Variants in LARP1 observed in about 807,000 individuals in gnomAD.
LARP1 encodes la-related protein 1.
In LARP1, 36 loss-of-function variants were observed where a neutral mutation model predicts 122.7. The ratio of observed to expected loss-of-function variants is 0.29; its 90% CI spans 0.22 to 0.39. LARP1 has a LOEUF of 0.39. LARP1 is among the 10% of genes least tolerant of loss of function. LARP1 has a pLI of 1.00. For missense variants in LARP1, 1,040 were observed against 1,403.6 expected (o/e 0.74, Z 4.14); for synonymous variants, 539 against 528.7 (o/e 1.02, Z -0.27).
chr5:154,803,551 G>A lies in LARP1; in HGVS notation c.2245G>A (p.Ala749Thr). Residue 749 changes from alanine (A) to threonine (T), a missense_variant, in exon 13 of 19, where the codon GCC (alanine) becomes ACC (threonine). Physicochemically the swap from Ala to Thr is moderately conservative, Grantham distance 58 (BLOSUM62 0). Coordinates refer to ENST00000518297, the MANE Select transcript of LARP1 (RefSeq NM_033551.3). The surrounding 1 kb of genome is among the most constrained non-coding windows in gnomAD (Gnocchi z 4.4). Reference sequence around the variant, plus strand: ...CTCTGCCTCTGCAGTTCCTACGGATGCCCTGGCCAACAAGTTGTTTGGTGC... The same window carrying A: ...CTCTGCCTCTGCAGTTCCTACGGATACCCTGGCCAACAAGTTGTTTGGTGC... ...PPRFQQVPTD[A>T]LANKLFGAPE... 6.2e-7 allele frequency: 1 copy of A among 1,614,136 alleles called. No homozygotes were observed. The highest frequency in any genetic ancestry group is 1.1e-5 in the South Asian group (1 of 91,084).
At chr5:154,710,899 C>T (rs1392019466), upstream of LARP1, among the ~76,000 whole-genome samples, 1 of 152,074 alleles carries the variant, frequency 6.6e-6, no homozygotes, top group African/African-American at 2.4e-5. Flanking sequence ...TGCTTTATTA[C>T]ATACTGTATA....
Position 154,756,112 on chromosome 5 carries a change from GC to G in LARP1, c.362del (p.Pro121ArgfsTer4), listed in dbSNP as rs760241814. ...CGCGGGGCGCCGGGACTTCGTGGAA[GC>G]CCCCCCGCCCAAGGTGAACCCGTGG... ...AGAGRRDFVE[A>X]PPPKVNPWTK... is the part of the protein sequence containing the mutation. On this transcript the variant is annotated frameshift_variant, in exon 1 of 19. Coordinates refer to ENST00000518297, the MANE Select transcript of LARP1 (RefSeq NM_033551.3). LOFTEE classifies it high-confidence loss of function. 51 of 1,219,176 alleles carry G rather than the reference GC, an allele frequency of 4.2e-5. No individual in the cohort carries two copies. Among genetic ancestry groups the G allele is most frequent in the South Asian group, 2.9e-4 (20 of 68,782 alleles). 75.5% of individuals were successfully genotyped at this position (1,219,176 alleles called of 1,614,324 possible). A position where few individuals can be genotyped will look rare whatever the true frequency, so the allele number is the denominator to read the frequency against.
At chr5:154,689,587 T>C (rs1240356318) in intron 1 of LARP1, among the ~76,000 whole-genome samples, 4 of 145,966 alleles carry the variant, frequency 2.7e-5, no homozygotes, top group Non-Finnish European at 6.0e-5. Context: ...GCCATTTTAC[T>C]CCAGCCTGGA....
chr5:154,813,143 A>T (rs1391348481), intron 18 of LARP1, among the ~76,000 whole-genome samples: 2 of 152,174 alleles, frequency 1.3e-5, no homozygotes, highest in Non-Finnish European at 2.9e-5. Context: ...ATAATGGCAG[A>T]GCCACTCAGG....
At chr5:154,773,535 C>T (rs1322647450) in intron 1 of LARP1, among the ~76,000 whole-genome samples, 1 of 152,136 alleles carries the variant, frequency 6.6e-6, no homozygotes, top group Admixed American at 6.5e-5. Flanking sequence ...GCATGTTCCC[C>T]CACAGCACTG....
At chr5:154,780,927 G>A (rs1756371196) in intron 1 of LARP1, among the ~76,000 whole-genome samples, 1 of 152,204 alleles carries the variant, frequency 6.6e-6, no homozygotes, top group South Asian at 2.1e-4. Flanking sequence ...GACAGGCTTG[G>A]TGGCTCGCGC....
chr5:154,685,506 T>G (rs546379245), intron 1 of LARP1, among the ~76,000 whole-genome samples: 1 of 152,258 alleles, frequency 6.6e-6, no homozygotes, highest in African/African-American at 2.4e-5. Context: ...TTCCCTGATC[T>G]CAGAAGTCTA....
In LARP1 at chr5:154,696,247, C is replaced by T. The variant is rs1391784324; in HGVS notation, c.-180+13210C>T. 4.6e-5 allele frequency among the ~76,000 whole-genome samples: 7 copies of T among 152,074 alleles called. No individual in the cohort carries two copies. In the East Asian group the frequency reaches 1.3e-3, roughly 29 times the overall value. ...TGGCATGTGCCTGTAGTCCCAGCTA[C>T]TTGGGAGGCTGAGGTGGGAGAATTG... On this transcript the variant is annotated intron_variant, in intron 1 of 18. Coordinates refer to the LARP1 transcript ENST00000687700.
chr5:154,807,746 G>T (rs560681134), intron 15 of LARP1, among the ~76,000 whole-genome samples: 3 of 152,080 alleles, frequency 2.0e-5, no homozygotes, highest in Non-Finnish European at 4.4e-5. Context: ...AGAGACAGGG[G>T]TCTCACTATG....
intron 8 of LARP1, among the ~76,000 whole-genome samples, chr5:154,797,367 G>C (rs943068584): frequency 6.6e-6 from 1 of 151,018 alleles, no homozygotes; most frequent in African/African-American, 2.4e-5. Flanking sequence ...CCAAGTAGCT[G>C]GTATTACAGG....
chr5:154,711,065 C>T (rs1198385513), upstream of LARP1, among the ~76,000 whole-genome samples: 1 of 151,680 alleles, frequency 6.6e-6, no homozygotes, highest in Non-Finnish European at 1.5e-5. Flanking sequence ...ACAGTGTGGC[C>T]GTTTGCATTA....
Position 154,755,866 on chromosome 5 carries a change from G to A in LARP1, c.109G>A (p.Gly37Ser). Residue 37 changes from glycine (G) to serine (S), a missense_variant, in exon 1 of 19, where the codon GGC becomes AGC. By Grantham distance (56) the Gly-to-Ser change is moderately conservative. Transcript: ENST00000518297. ...KKPPPAPEGKGEPGPNDVRGG... is the reference protein window; with the variant it reads ...KKPPPAPEGKSEPGPNDVRGG... ...GCCGCCGCCGGCGCCCGAGGGCAAG[G>A]GCGAGCCCGGGCCAAACGACGTCCG... The A allele has an allele frequency of 9.9e-7, 1 of 1,013,844 alleles. No individual in the cohort carries two copies. The highest frequency in any genetic ancestry group is 1.2e-6 in the Non-Finnish European group (1 of 846,456). The allele number at this position is 1,013,844 out of a possible 1,614,324, so 62.8% of individuals were successfully genotyped here.
chr5:154,755,140 A>G (rs1250369115), upstream of LARP1, among the ~76,000 whole-genome samples: 2 of 150,596 alleles, frequency 1.3e-5, no homozygotes, highest in Non-Finnish European at 3.0e-5. Flanking sequence ...CCCTACCCCC[A>G]GCCCGGGAGG....
At chr5:154,741,958 C>CT (rs770746578) in intron 1 of LARP1, among the ~76,000 whole-genome samples, 1 of 152,158 alleles carries the variant, frequency 6.6e-6, no homozygotes, top group Non-Finnish European at 1.5e-5. Flanking sequence ...TCTGGAGTCT[C>CT]TGTGTATTTT....
At chr5:154,798,708 G>A (rs989978310) in intron 8 of LARP1, among the ~76,000 whole-genome samples, 3 of 152,122 alleles carry the variant, frequency 2.0e-5, no homozygotes, top group African/African-American at 7.2e-5. Context: ...TGCTCAGGCT[G>A]GTCTTGAACT....
chr5:154,753,222 C>T (rs372272648), upstream of LARP1, among the ~76,000 whole-genome samples: 1 of 152,186 alleles, frequency 6.6e-6, no homozygotes, highest in Non-Finnish European at 1.5e-5. Flanking sequence ...ATTATGTCCC[C>T]TATTAACAAA....
chr5:154,812,813 G>A (rs566824719), intron 18 of LARP1, among the ~76,000 whole-genome samples: 5 of 152,016 alleles, frequency 3.3e-5, no homozygotes, highest in East Asian at 3.9e-4. Context: ...CACCGCGCCC[G>A]GCCCAAAAGC....
At chr5:154,691,565 A>T (rs933895268) in intron 1 of LARP1, among the ~76,000 whole-genome samples, 1 of 152,122 alleles carries the variant, frequency 6.6e-6, no homozygotes, top group Non-Finnish European at 1.5e-5. Flanking sequence ...CCGTTCGTTG[A>T]AAAGGCTCCG....
intron 1 of LARP1, among the ~76,000 whole-genome samples, chr5:154,718,224 T>C (rs1366465058): frequency 6.6e-6 from 1 of 152,180 alleles, no homozygotes; most frequent in Non-Finnish European, 1.5e-5. Context: ...CCAGCAGAAA[T>C]AGACACCTTT....
Sources: allele counts gnomAD v4.1 joint callset (sites outside exome capture counted in the v4.1 genomes callset), GRCh38; gene constraint gnomAD v4.1.1; non-coding constraint Gnocchi (gnomAD v3.1); transcripts MANE v1.5; gene names NCBI Gene and HGNC (gene_info 2026-07-23, HGNC 2026-07-21).